MECOM: variants seen among roughly 807,000 people sequenced by gnomAD.
MECOM encodes histone-lysine N-methyltransferase MECOM.
In MECOM, 13 loss-of-function variants were observed where a neutral mutation model predicts 116.3. That is an observed-to-expected ratio of 0.11 (90% CI 0.07 to 0.18). The LOEUF is 0.18. Among genes scored for constraint, MECOM ranks in the 10% least tolerant of loss-of-function variants. The pLI is 1.00. For synonymous variants in MECOM, 528 were observed against 535.2 expected, an observed-to-expected ratio of 0.99 and a Z score of 0.19; for missense variants, 1,299 against 1,509.0, an observed-to-expected ratio of 0.86 and a Z score of 2.31.
At chr3:169,463,041 C>A (rs1254335428) in intron 1 of MECOM, among the ~76,000 whole-genome samples, 1 of 152,162 alleles carries the variant, frequency 6.6e-6, no homozygotes, top group East Asian at 1.9e-4. Flanking sequence ...AGCATTTAAG[C>A]TAATGAAGCA....
Position 169,456,253 on chromosome 3 carries a change from A to G in MECOM, c.38-74729T>C, listed in dbSNP as rs1300845925. Among the ~76,000 whole-genome samples the G allele has an allele frequency of 2.0e-5, 3 of 152,130 alleles. No homozygotes were observed. In the East Asian group the frequency reaches 5.8e-4, roughly 29 times the overall value. On this transcript the variant is annotated intron_variant, in intron 1 of 16. Transcript: ENST00000651503. ...CTGGGTCCTGCTCTTGCTTTTAAAT[A>G]ACACCCAAATTCTAGTCCACACCTG...
Position 169,621,654 on chromosome 3 carries a change from G to A in MECOM, c.37+41682C>T, listed in dbSNP as rs531292995. Among the ~76,000 whole-genome samples, 3 of 152,158 alleles carry A rather than the reference G, an allele frequency of 2.0e-5. No individual in the cohort carries two copies. In the East Asian group the frequency reaches 5.8e-4, roughly 29 times the overall value. On this transcript the variant is annotated intron_variant, in intron 1 of 16. Coordinates refer to ENST00000651503, the MANE Select transcript of MECOM (RefSeq NM_004991.4). ...TGCCTGTAATCCCAACTACTCCGGAGGCTGAAGCAGGAGAATTGCTTGAAC... is the reference window on the plus strand; with the variant it reads ...TGCCTGTAATCCCAACTACTCCGGAAGCTGAAGCAGGAGAATTGCTTGAAC...
chr3:169,286,495 G>T (rs1206106866), intron 2 of MECOM, among the ~76,000 whole-genome samples: 1 of 152,122 alleles, frequency 6.6e-6, no homozygotes, highest in African/African-American at 2.4e-5. Flanking sequence ...ACTAATGGTT[G>T]GTTTAAGTCT....
chr3:169,396,779 T>G (rs1176103623), intron 1 of MECOM, among the ~76,000 whole-genome samples: 1 of 152,036 alleles, frequency 6.6e-6, no homozygotes, highest in Non-Finnish European at 1.5e-5. Flanking sequence ...GAGACCAGTG[T>G]GACAAACCTG....
At chr3:169,409,757 T>C (rs1174625383) in intron 1 of MECOM, among the ~76,000 whole-genome samples, 1 of 152,190 alleles carries the variant, frequency 6.6e-6, no homozygotes, top group East Asian at 1.9e-4. Flanking sequence ...CCATGGCAAA[T>C]ACTATTTGAA....
In MECOM at chr3:169,205,515, C is replaced by A. The variant is rs763944008; in HGVS notation, c.376-61683G>T. ...AAGACAAGGCTTTCCTTTGACATAA[C>A]ACCGGGATCCCCTATATATTGTAAA... On this transcript the variant is annotated intron_variant, in intron 2 of 16. Coordinates refer to ENST00000651503, the MANE Select transcript of MECOM (RefSeq NM_004991.4). Among the ~76,000 whole-genome samples, 7 of 152,140 alleles carry A rather than the reference C, an allele frequency of 4.6e-5. No individual in the cohort carries two copies. In the South Asian group the frequency reaches 6.2e-4, roughly 14 times the overall value.
In MECOM at chr3:169,379,304, A is replaced by G. The variant is rs188234966; in HGVS notation, c.375+1883T>C. On this transcript the variant is annotated intron_variant, in intron 2 of 16. Coordinates refer to ENST00000651503, the MANE Select transcript of MECOM (RefSeq NM_004991.4). ...AGCCACATTCTCAAAAGGAAGGGTAATCGTTAAAATGATGGGAAAAGCTAC... is the reference window on the plus strand; with the variant it reads ...AGCCACATTCTCAAAAGGAAGGGTAGTCGTTAAAATGATGGGAAAAGCTAC... 2.4e-3 allele frequency among the ~76,000 whole-genome samples: 363 copies of G among 152,212 alleles called. 1 individual carries two copies. The highest frequency in any genetic ancestry group is 8.5e-3 in the African/African-American group (352 of 41,562).
intron 1 of MECOM, among the ~76,000 whole-genome samples, chr3:169,520,147 C>T (rs1197773554): frequency 1.3e-5 from 2 of 152,182 alleles, no homozygotes; most frequent in African/African-American, 4.8e-5. Flanking sequence ...AGCAAAAGAA[C>T]AAGATAGAAC....
intron 1 of MECOM, among the ~76,000 whole-genome samples, chr3:169,487,805 T>A (rs1424844997): frequency 2.8e-5 from 3 of 105,628 alleles, no homozygotes; most frequent in Admixed American, 1.1e-4. Flanking sequence ...AGGGTCGGGG[T>A]GGGGGGACTC....
chr3:169,301,915 G>A (rs1272048707), intron 2 of MECOM, among the ~76,000 whole-genome samples: 5 of 151,776 alleles, frequency 3.3e-5, no homozygotes, highest in Non-Finnish European at 7.4e-5. Flanking sequence ...CAAAGGAGGG[G>A]GGCTTAGCAC....
intron 1 of MECOM, among the ~76,000 whole-genome samples, chr3:169,482,631 G>A (rs1320220910): frequency 2.6e-5 from 4 of 152,116 alleles, no homozygotes; most frequent in African/African-American, 7.2e-5. Flanking sequence ...ACCGCGCCCG[G>A]CAACCCACCT....
intron 1 of MECOM, among the ~76,000 whole-genome samples, chr3:169,475,833 C>CTAGT (rs1750287117): frequency 6.6e-6 from 1 of 152,052 alleles, no homozygotes; most frequent in African/African-American, 2.4e-5. Flanking sequence ...TCAGTTGCTG[C>CTAGT]TAGTTAGGAG....
At chr3:169,617,637 T>C (rs747995861) in intron 1 of MECOM, among the ~76,000 whole-genome samples, 13 of 152,350 alleles carry the variant, frequency 8.5e-5, no homozygotes, top group South Asian at 2.1e-4. Flanking sequence ...CTTATAAAAC[T>C]TGGTCTGCGG....
At chr3:169,415,302 G>A (rs1364760402) in intron 1 of MECOM, among the ~76,000 whole-genome samples, 2 of 152,166 alleles carry the variant, frequency 1.3e-5, no homozygotes, top group Non-Finnish European at 2.9e-5. Flanking sequence ...AAGTGAAGTA[G>A]AAATAAAATC....
chr3:169,167,376 C>T (rs1469010173), intron 2 of MECOM, among the ~76,000 whole-genome samples: 1 of 152,104 alleles, frequency 6.6e-6, no homozygotes, highest in Non-Finnish European at 1.5e-5. Context: ...ATGTGGTCAG[C>T]CATTGCTATG....
intron 2 of MECOM, among the ~76,000 whole-genome samples, chr3:169,253,437 GT>G (rs1422111178): frequency 2.1e-5 from 3 of 142,676 alleles, no homozygotes; most frequent in African/African-American, 7.8e-5. Context: ...CCTAAAAGTT[GT>G]TTTGAATACA....
At chr3:169,610,990 G>C (rs1769193149) in intron 1 of MECOM, among the ~76,000 whole-genome samples, 1 of 152,200 alleles carries the variant, frequency 6.6e-6, no homozygotes, top group African/African-American at 2.4e-5. Context: ...CTGGTCTTAA[G>C]AGGAGAGTTT....
chr3:169,086,220 C>A (rs1003099816), intron 16 of MECOM, among the ~76,000 whole-genome samples: 1 of 152,112 alleles, frequency 6.6e-6, no homozygotes, highest in African/African-American at 2.4e-5. Context: ...TCTCATGATC[C>A]ATTTAACAAA....
intron 2 of MECOM, among the ~76,000 whole-genome samples, chr3:169,243,940 G>T (rs1478532825): frequency 2.0e-5 from 3 of 152,178 alleles, no homozygotes; most frequent in African/African-American, 7.2e-5. Flanking sequence ...AGACCCCAAA[G>T]CCCCCTTTGT....
Sources: allele counts gnomAD v4.1 joint callset (sites outside exome capture counted in the v4.1 genomes callset), GRCh38; gene constraint gnomAD v4.1.1; transcripts MANE v1.5; gene names NCBI Gene and HGNC (gene_info 2026-07-23, HGNC 2026-07-21).